MNAT1: variants seen among roughly 807,000 people sequenced by gnomAD.
MNAT1 encodes the protein CDK-activating kinase assembly factor MAT1.
In MNAT1, 43 loss-of-function variants were observed where a neutral mutation model predicts 42.0. The ratio of observed to expected loss-of-function variants is 1.02; its 90% CI spans 0.80 to 1.32. The LOEUF (loss-of-function observed/expected upper bound fraction) is 1.32, where lower values mean the gene tolerates loss of function less well. Ranked by LOEUF, MNAT1 falls within the 40% of genes most tolerant of loss-of-function variation. MNAT1 has a pLI of 0.00. For synonymous variants in MNAT1, 118 were observed against 120.0 expected, an observed-to-expected ratio of 0.98 and a Z score of 0.11; for missense variants, 306 against 350.4, an observed-to-expected ratio of 0.87 and a Z score of 1.01.
intron 1 of MNAT1, among the ~76,000 whole-genome samples, chr14:60,736,889 CTT>C (rs1022489806): frequency 6.6e-6 from 1 of 151,930 alleles, no homozygotes; most frequent in African/African-American, 2.4e-5. Flanking sequence ...TATTATTATT[CTT>C]TGTGTGGCAT....
At chr14:60,821,101 C>T (rs925827701) in intron 6 of MNAT1, among the ~76,000 whole-genome samples, 1 of 152,148 alleles carries the variant, frequency 6.6e-6, no homozygotes, top group Non-Finnish European at 1.5e-5. Context: ...TTTGACTATT[C>T]TATCTAAAGT....
chr14:60,780,331 A>G (rs2031412822), intron 1 of MNAT1: 6 of 1,566,642 alleles, frequency 3.8e-6, no homozygotes, highest in African/African-American at 1.3e-5. Flanking sequence ...CACCCAGAGA[A>G]AAGTCTCAGA....
At chr14:60,767,954 C>T (rs1336212385) in intron 1 of MNAT1, among the ~76,000 whole-genome samples, 7 of 152,010 alleles carry the variant, frequency 4.6e-5, no homozygotes, top group Admixed American at 2.0e-4. Context: ...TTAGTAGAGA[C>T]GGGGTTTCAC....
At chr14:60,745,130 C>T (rs947572550) in intron 1 of MNAT1, among the ~76,000 whole-genome samples, 9 of 152,178 alleles carry the variant, frequency 5.9e-5, no homozygotes, top group Non-Finnish European at 4.4e-5. Context: ...TTGTTAAACT[C>T]TTGCTTGCTG....
At chr14:60,836,582 A>C (rs1198600945) in intron 6 of MNAT1, among the ~76,000 whole-genome samples, 1 of 152,200 alleles carries the variant, frequency 6.6e-6, no homozygotes, top group Admixed American at 6.5e-5. Flanking sequence ...CAGAACAGCA[A>C]AGATTGCCGG....
intron 6 of MNAT1, among the ~76,000 whole-genome samples, chr14:60,850,447 T>A (rs1161459441): frequency 6.6e-6 from 1 of 152,222 alleles, no homozygotes; most frequent in African/African-American, 2.4e-5. Flanking sequence ...AATTGTAGCC[T>A]CCTGTTACTA....
intron 7 of MNAT1, among the ~76,000 whole-genome samples, chr14:60,886,815 A>G (rs993388019): frequency 1.3e-5 from 2 of 152,250 alleles, no homozygotes. Flanking sequence ...TCATATGCAG[A>G]GAGGCATAAT....
intron 7 of MNAT1, among the ~76,000 whole-genome samples, chr14:60,889,499 T>C (rs977094764): frequency 1.3e-5 from 2 of 152,142 alleles, no homozygotes; most frequent in African/African-American, 4.8e-5. Context: ...ATAAAAACCC[T>C]AGAAGAAAAC....
intron 6 of MNAT1, among the ~76,000 whole-genome samples, chr14:60,837,062 G>A (rs930150166): frequency 4.6e-5 from 7 of 152,154 alleles, no homozygotes; most frequent in Non-Finnish European, 8.8e-5. Flanking sequence ...AATGATGGAT[G>A]CCCCTACCCC....
chr14:60,906,208 T>C (rs905772722), intron 7 of MNAT1, among the ~76,000 whole-genome samples: 1 of 151,938 alleles, frequency 6.6e-6, no homozygotes, highest in South Asian at 2.1e-4. Flanking sequence ...TAGGGAATGG[T>C]AGGAGAATAG....
At chr14:60,921,015 G>C (rs532200410) in intron 7 of MNAT1, among the ~76,000 whole-genome samples, 1 of 152,138 alleles carries the variant, frequency 6.6e-6, no homozygotes, top group South Asian at 2.1e-4. Context: ...TTCTTCTTCT[G>C]TCTCCTTATT....
chr14:60,758,901 A>AT (rs2030479789), intron 1 of MNAT1, among the ~76,000 whole-genome samples: 1 of 152,026 alleles, frequency 6.6e-6, no homozygotes, highest in Non-Finnish European at 1.5e-5. Flanking sequence ...TGCCTTCCTA[A>AT]TTTTTTATCT....
intron 7 of MNAT1, among the ~76,000 whole-genome samples, chr14:60,956,317 T>TTCTTCTGTTAC (rs1392810058): frequency 1.3e-5 from 2 of 152,234 alleles, no homozygotes; most frequent in Non-Finnish European, 2.9e-5. Context: ...TTTCTAGTTT[T>TTCTTCTGTTAC]TCTTCTGTTA....
chr14:60,916,654 C>G (rs898633683), intron 7 of MNAT1, among the ~76,000 whole-genome samples: 1 of 150,934 alleles, frequency 6.6e-6, no homozygotes, highest in Non-Finnish European at 1.5e-5. Context: ...GACCCTGCCT[C>G]TAAAAATTTA....
At chr14:60,943,641 T>C (rs186204673) in intron 7 of MNAT1, among the ~76,000 whole-genome samples, 59 of 152,232 alleles carry the variant, frequency 3.9e-4, no homozygotes, top group Admixed American at 3.1e-3. Context: ...TCCTAAACAT[T>C]TCCACCAGAG....
chr14:60,840,370 C>T (rs957159529), intron 6 of MNAT1, among the ~76,000 whole-genome samples: 1 of 152,212 alleles, frequency 6.6e-6, no homozygotes, highest in African/African-American at 2.4e-5. Context: ...TCTCATACTA[C>T]AGTGTATTTC....
intron 1 of MNAT1, among the ~76,000 whole-genome samples, chr14:60,760,692 T>C (rs898565848): frequency 6.6e-6 from 1 of 152,230 alleles, no homozygotes; most frequent in Admixed American, 6.5e-5. Context: ...CTCTTATTTC[T>C]GTAAAAGAGT....
At chr14:60,885,044 G>A (rs948829796) in intron 7 of MNAT1, among the ~76,000 whole-genome samples, 2 of 151,720 alleles carry the variant, frequency 1.3e-5, no homozygotes, top group African/African-American at 2.4e-5. Context: ...TGAAGAGTTC[G>A]CTGCCAGACA....
intron 1 of MNAT1, among the ~76,000 whole-genome samples, chr14:60,794,279 T>TC (rs1329785028): frequency 6.6e-6 from 1 of 152,142 alleles, no homozygotes; most frequent in Non-Finnish European, 1.5e-5. Flanking sequence ...ACTTCCTAAG[T>TC]CCAGAGTGGT....
Sources: allele counts gnomAD v4.1 joint callset (sites outside exome capture counted in the v4.1 genomes callset), GRCh38; gene constraint gnomAD v4.1.1; transcripts MANE v1.5; gene names NCBI Gene and HGNC (gene_info 2026-07-23, HGNC 2026-07-21).